ELFN1: variants seen among roughly 807,000 people sequenced by gnomAD.
ELFN1 encodes protein ELFN1.
In ELFN1, 6 loss-of-function variants were observed where a neutral mutation model predicts 7.6. The ratio of observed to expected loss-of-function variants is 0.79; its 90% CI spans 0.43 to 1.56. The LOEUF is 1.56. Among genes scored for constraint, ELFN1 ranks in the 40% most tolerant of loss-of-function variants. The pLI is 0.01. For missense variants in ELFN1, 1,169 were observed against 1,232.2 expected (o/e 0.95, Z 0.77); for synonymous variants, 657 against 588.1 (o/e 1.12, Z -1.70).
At position 1,678,169 on chromosome 7, in the gene ELFN1, AGT is replaced by A. The variant is rs138972405; in HGVS notation, c.-549+7823_-549+7824del. On this transcript the variant is annotated intron_variant, in intron 1 of 3. Transcript: ENST00000424383. ...GGGCGCCTGTGCCCTCACCATGCAC[AGT>A]GTGTGTGCCACCGTGCTCCCACACA... is the stretch of plus-strand genomic sequence containing the variant. 3.2e-3 allele frequency among the ~76,000 whole-genome samples: 482 copies of A among 152,218 alleles called. 1 individual carries two copies. Among genetic ancestry groups the A allele is most frequent in the Admixed American group, 8.0e-3 (123 of 15,302 alleles).
At chr7:1,710,741 C>A (rs569880042) in intron 3 of ELFN1, among the ~76,000 whole-genome samples, 11 of 152,354 alleles carry the variant, frequency 7.2e-5, no homozygotes, top group African/African-American at 2.6e-4. Flanking sequence ...GATGGGGTCC[C>A]CAGGGCAGGC....
intron 1 of ELFN1, among the ~76,000 whole-genome samples, chr7:1,676,841 G>A (rs1410207036): frequency 6.6e-6 from 1 of 152,226 alleles, no homozygotes; most frequent in Non-Finnish European, 1.5e-5. Flanking sequence ...CTTGGGAAGA[G>A]TTGGTTGGTA....
In ELFN1 at chr7:1,741,147, AAG is replaced by A. The variant is rs1491016906; in HGVS notation, c.-293-3155_-293-3154del. On this transcript the variant is annotated intron_variant, in intron 3 of 3. Coordinates refer to ENST00000424383, the MANE Select transcript of ELFN1 (RefSeq NM_001128636.4). ...TCTGTCTCAAAAAAAAAAAAAAAAA[AAG>A]AAGAAAGAAAACTTTGGGGTCCCTC... Among the ~76,000 whole-genome samples, 707 of 150,452 alleles carry A rather than the reference AAG, an allele frequency of 4.7e-3. 2 individuals carry two copies. Among genetic ancestry groups the A allele is most frequent in the Non-Finnish European group, 7.2e-3 (489 of 67,502 alleles).
At chr7:1,728,930 A>C (rs561882848) in intron 3 of ELFN1, among the ~76,000 whole-genome samples, 3 of 152,308 alleles carry the variant, frequency 2.0e-5, no homozygotes, top group South Asian at 4.1e-4. Context: ...CCATCATCTC[A>C]TGATGGCTAT....
chr7:1,721,599 T>C (rs1011580533), intron 3 of ELFN1, among the ~76,000 whole-genome samples: 27 of 152,170 alleles, frequency 1.8e-4, no homozygotes, highest in African/African-American at 6.3e-4. Context: ...ACGGGCACCA[T>C]TTGCATGCAG....
At chr7:1,729,180 G>A (rs923239434) in intron 3 of ELFN1, among the ~76,000 whole-genome samples, 2 of 152,238 alleles carry the variant, frequency 1.3e-5, no homozygotes, top group Non-Finnish European at 2.9e-5. Context: ...TAGAGCCAGA[G>A]CTTGGCCCCC....
chr7:1,715,720 A>G (rs1473575196), intron 3 of ELFN1, among the ~76,000 whole-genome samples: 1 of 152,156 alleles, frequency 6.6e-6, no homozygotes, highest in Non-Finnish European at 1.5e-5. Flanking sequence ...TAACTTAATT[A>G]GCAGACAGAA....
At chr7:1,690,046 T>C (rs1919910) in intron 2 of ELFN1, among the ~76,000 whole-genome samples, 26,081 of 152,078 alleles carry the variant, frequency 0.17, 2,665 homozygotes, top group African/African-American at 0.29. Flanking sequence ...CATCATCAGA[T>C]GGAGGGGTGG....
intron 2 of ELFN1, chr7:1,693,520 C>T (rs1779223219): frequency 2.1e-6 from 1 of 471,220 alleles, no homozygotes; most frequent in Non-Finnish European, 4.4e-6. Context: ...GGGCGTGACC[C>T]ACTTCCTGGT....
intron 3 of ELFN1, among the ~76,000 whole-genome samples, chr7:1,724,012 G>A (rs1583373646): frequency 6.6e-6 from 1 of 152,236 alleles, no homozygotes; most frequent in Admixed American, 6.5e-5. Context: ...AGTCACAGGG[G>A]CTATGGGGCC....
intron 2 of ELFN1, among the ~76,000 whole-genome samples, chr7:1,690,657 A>G (rs1583320540): frequency 6.0e-5 from 7 of 117,264 alleles, no homozygotes; most frequent in Middle Eastern, 8.1e-3. Flanking sequence ...GTGGGTGGAG[A>G]GGTGGGTGGA....
intron 3 of ELFN1, among the ~76,000 whole-genome samples, chr7:1,725,241 C>T (rs1389661138): frequency 6.6e-6 from 1 of 152,222 alleles, no homozygotes; most frequent in East Asian, 1.9e-4. Context: ...AGAAGGAACC[C>T]AGGGAATAGG....
chr7:1,724,496 T>C (rs1245628235), intron 3 of ELFN1, among the ~76,000 whole-genome samples: 1 of 152,118 alleles, frequency 6.6e-6, no homozygotes, highest in Non-Finnish European at 1.5e-5. Context: ...CCTCAATCAG[T>C]CCAGCAGGAG....
intron 2 of ELFN1, chr7:1,693,599 TAC>T: frequency 2.1e-6 from 1 of 471,228 alleles, no homozygotes; most frequent in Non-Finnish European, 4.4e-6. Context: ...GGGGTCGGTG[TAC>T]ACCGCTGTGT....
intron 3 of ELFN1, among the ~76,000 whole-genome samples, chr7:1,711,581 A>T (rs374112395): frequency 3.7e-4 from 13 of 35,428 alleles, no homozygotes; most frequent in African/African-American, 1.3e-3. Flanking sequence ...AGAGTGAGAG[A>T]GAGAGAGAGA....
intron 1 of ELFN1, among the ~76,000 whole-genome samples, chr7:1,677,063 C>T (rs1444349287): frequency 6.6e-6 from 1 of 152,226 alleles, no homozygotes; most frequent in Non-Finnish European, 1.5e-5. Flanking sequence ...GATGTAACTT[C>T]TGTTTTGACA....
intron 1 of ELFN1, among the ~76,000 whole-genome samples, chr7:1,671,350 C>G (rs1477170125): frequency 2.6e-5 from 4 of 152,228 alleles, no homozygotes; most frequent in African/African-American, 9.6e-5. Context: ...CGAGGCCGGC[C>G]GAGCCAGGTG....
chr7:1,669,561 G>A (rs954622949), upstream of ELFN1, among the ~76,000 whole-genome samples: 1 of 152,234 alleles, frequency 6.6e-6, no homozygotes, highest in East Asian at 1.9e-4. Context: ...TCTTGACTCA[G>A]TTTCCCTTCC....
intron 3 of ELFN1, among the ~76,000 whole-genome samples, chr7:1,741,920 T>C (rs370994125): frequency 1.3e-5 from 2 of 152,116 alleles, no homozygotes; most frequent in African/African-American, 4.8e-5. Flanking sequence ...TGCGCACTCA[T>C]GTACACAATC....
Sources: gnomAD v4.1 joint callset for allele counts (sites outside exome capture counted in the v4.1 genomes callset) on GRCh38, gnomAD v4.1.1 for gene constraint, MANE v1.5 for transcripts, NCBI Gene and HGNC (gene_info 2026-07-23, HGNC 2026-07-21) for gene names.